Variants in ASPRV1 observed in about 807,000 individuals in gnomAD.
ASPRV1 encodes retroviral-like aspartic protease 1.
ASPRV1 carries 7 observed loss-of-function variants against 11.0 expected under a neutral mutation model. The observed-to-expected ratio is 0.64, with a 90% confidence interval of 0.36 to 1.20. The LOEUF is 1.20. ASPRV1 is among the 50% of genes most tolerant of loss of function. The probability of loss-of-function intolerance (pLI) is 0.02; values close to 1 mark genes in which losing one functional copy is unlikely to be tolerated. For missense variants in ASPRV1, 299 were observed against 320.0 expected, an observed-to-expected ratio of 0.93 and a Z score of 0.50; for synonymous variants, 136 against 138.4, an observed-to-expected ratio of 0.98 and a Z score of 0.12.
upstream of ASPRV1, chr2:69,964,239 C>T (rs878945971): frequency 1.0e-5 from 4 of 383,994 alleles, no homozygotes; most frequent in South Asian, 5.7e-5. Context: ...ACCTTGGCCC[C>T]ATCCTTCCCC....
chr2:70,079,061 G>A, the ASPRV1 span, among the ~76,000 whole-genome samples: 1 of 152,170 alleles, frequency 6.6e-6, no homozygotes, highest in Non-Finnish European at 1.5e-5. Context: ...CAGATGAATA[G>A]CAACTCTGAA....
the ASPRV1 span, among the ~76,000 whole-genome samples, chr2:69,947,635 G>A: frequency 1.3e-5 from 2 of 152,124 alleles, no homozygotes; most frequent in Admixed American, 6.5e-5. Context: ...ATACTGCCAT[G>A]CGGAATCACA....
At chr2:69,996,795 G>A in the ASPRV1 span, 4 of 454,328 alleles carry the variant, frequency 8.8e-6, no homozygotes, top group Admixed American at 4.8e-5. Flanking sequence ...GATGTCGGAC[G>A]GTCAGATACT....
At chr2:70,046,196 G>GT in the ASPRV1 span, 9 of 152,120 alleles carry the variant, frequency 5.9e-5, no homozygotes, top group Admixed American at 3.3e-4. Context: ...GTGGTGTTTT[G>GT]TTTTTTGTTT....
the ASPRV1 span, among the ~76,000 whole-genome samples, chr2:70,084,495 A>G: frequency 6.6e-6 from 1 of 152,176 alleles, no homozygotes; most frequent in Admixed American, 6.6e-5. Flanking sequence ...CCTTGGATAA[A>G]TTCCTTCACT....
chr2:70,041,531 G>C, the ASPRV1 span, among the ~76,000 whole-genome samples: 4 of 152,172 alleles, frequency 2.6e-5, no homozygotes, highest in East Asian at 7.7e-4. Context: ...AATAGGGAAA[G>C]GAGAAAATTT....
the ASPRV1 span, among the ~76,000 whole-genome samples, chr2:70,034,713 G>C: frequency 6.6e-5 from 10 of 152,118 alleles, no homozygotes; most frequent in Non-Finnish European, 2.9e-5. Context: ...ATCTGTATGA[G>C]ACCAACAATT....
At chr2:70,064,486 GAAGT>G in the ASPRV1 span, among the ~76,000 whole-genome samples, 2 of 152,232 alleles carry the variant, frequency 1.3e-5, no homozygotes, top group Admixed American at 6.5e-5. Flanking sequence ...CTAATCAGGT[GAAGT>G]TATATGTATA....
the ASPRV1 span, among the ~76,000 whole-genome samples, chr2:69,967,457 A>G: frequency 6.6e-6 from 1 of 152,232 alleles, no homozygotes; most frequent in African/African-American, 2.4e-5. Flanking sequence ...AAAATCTTGG[A>G]TTAATTTTTG....
At chr2:70,076,368 A>G in the ASPRV1 span, among the ~76,000 whole-genome samples, 1 of 152,204 alleles carries the variant, frequency 6.6e-6, no homozygotes, top group African/African-American at 2.4e-5. Context: ...TTATTTCTCT[A>G]AGCCTTTGTT....
chr2:70,030,162 T>C, the ASPRV1 span: 1 of 152,194 alleles, frequency 6.6e-6, no homozygotes. Context: ...AAACCATTGG[T>C]AATCGTCACT....
the ASPRV1 span, among the ~76,000 whole-genome samples, chr2:70,041,315 T>G: frequency 6.6e-6 from 1 of 152,222 alleles, no homozygotes; most frequent in African/African-American, 2.4e-5. Flanking sequence ...TGGTTGGGAA[T>G]GGCATGCAGG....
the ASPRV1 span, among the ~76,000 whole-genome samples, chr2:69,946,712 C>CT: frequency 6.6e-6 from 1 of 152,244 alleles, no homozygotes; most frequent in South Asian, 2.1e-4. Context: ...GTCATTCTGA[C>CT]TGTGCTGTTT....
chr2:70,077,253 A>G, the ASPRV1 span: 1 of 151,920 alleles, frequency 6.6e-6, no homozygotes, highest in Non-Finnish European at 1.5e-5. Context: ...AAAGATTACT[A>G]CCTCCTAAGT....
the ASPRV1 span, chr2:70,045,373 TAAATA>T: frequency 5.3e-5 from 8 of 152,210 alleles, no homozygotes; most frequent in African/African-American, 1.9e-4. Flanking sequence ...GTATTACAAT[TAAATA>T]ATGTATGAAA....
the ASPRV1 span, among the ~76,000 whole-genome samples, chr2:70,053,154 G>T: frequency 6.6e-6 from 1 of 152,140 alleles, no homozygotes; most frequent in Non-Finnish European, 1.5e-5. Context: ...AAGTCCCTAC[G>T]AAGGAAAGCT....
At chr2:70,087,163 A>C in the ASPRV1 span, 3 of 152,122 alleles carry the variant, frequency 2.0e-5, no homozygotes, top group Non-Finnish European at 4.4e-5. Context: ...CGAGCCCCTC[A>C]TGTAGGGCAG....
the ASPRV1 span, among the ~76,000 whole-genome samples, chr2:69,934,375 A>T: frequency 2.0e-5 from 3 of 152,188 alleles, no homozygotes; most frequent in Non-Finnish European, 4.4e-5. Context: ...AAACCATTTC[A>T]AGGAAATGTA....
the ASPRV1 span, among the ~76,000 whole-genome samples, chr2:69,935,021 A>T: frequency 6.6e-6 from 1 of 152,260 alleles, no homozygotes; most frequent in East Asian, 1.9e-4. Flanking sequence ...TTATAAATTT[A>T]AAAAATTGTA....
Sources: allele counts gnomAD v4.1 joint callset (sites outside exome capture counted in the v4.1 genomes callset), GRCh38; gene constraint gnomAD v4.1.1; transcripts MANE v1.5; gene names NCBI Gene and HGNC (gene_info 2026-07-23, HGNC 2026-07-21).